The following SLC35D3 variants were observed in gnomAD, a reference collection of about 807,000 sequenced individuals.
SLC35D3 encodes frc, fringe-like 1.
Under a neutral mutation model 20.3 loss-of-function variants are expected in SLC35D3, and 18 were observed. That is an observed-to-expected ratio of 0.89 (90% CI 0.61 to 1.32). The LOEUF (loss-of-function observed/expected upper bound fraction) is 1.32. Among genes scored for constraint, SLC35D3 ranks in the 40% most tolerant of loss-of-function variants. The pLI is 0.00. For missense variants in SLC35D3, 556 were observed against 565.5 expected, an observed-to-expected ratio of 0.98 and a Z score of 0.17; for synonymous variants, 313 against 263.5, an observed-to-expected ratio of 1.19 and a Z score of -1.82.
chr6:136,925,443 C>A lies in SLC35D3; in HGVS notation c.*747C>A, dbSNP rs866689790. 6.6e-6 allele frequency: 1 copy of A among 152,372 alleles called. No individual in the cohort carries two copies. The highest frequency in any genetic ancestry group is 1.5e-5 in the Non-Finnish European group (1 of 68,018). The allele number at this position is 152,372 out of a possible 1,614,324, so 9.4% of individuals were successfully genotyped here. A position where few individuals can be genotyped will look rare whatever the true frequency, so the allele number is the denominator to read the frequency against. ...TTTTTTACTGTGTCCAATATTCTTT[C>A]AAGCAAATGCAATGGCTGGAATATA... On this transcript the variant is annotated 3_prime_UTR_variant, in exon 2 of 2. Coordinates refer to ENST00000331858, the MANE Select transcript of SLC35D3 (RefSeq NM_001008783.3).
In SLC35D3 at chr6:136,922,446, G is replaced by T; in HGVS notation, c.18G>T (p.Arg6=). 1 of 1,589,962 alleles carries T rather than the reference G, an allele frequency of 6.3e-7. No individual in the cohort carries two copies. Residue 6 remains arginine (R), a synonymous_variant, in exon 1 of 2, where the codon CGG becomes CGT. Transcript: ENST00000331858. This position sits in a 1 kb window ranked among gnomAD's most constrained non-coding sequence, Gnocchi z 6.8. MRQLC[R]GRVLGISVAI... Reference sequence around the variant, plus strand: ...CCGGCGCGATGCGGCAGCTGTGCCGGGGCCGCGTGCTGGGCATCTCGGTGG... The same window carrying T: ...CCGGCGCGATGCGGCAGCTGTGCCGTGGCCGCGTGCTGGGCATCTCGGTGG...
At position 136,923,053 on chromosome 6, in the gene SLC35D3, C is replaced by T. The variant is rs1417689332; in HGVS notation, c.439+186C>T. 1.3e-5 allele frequency among the ~76,000 whole-genome samples: 2 copies of T among 152,180 alleles called. No homozygotes were observed. The highest frequency in any genetic ancestry group is 4.8e-5 in the African/African-American group (2 of 41,450). On this transcript the variant is annotated intron_variant, in intron 1 of 1. Transcript: ENST00000331858. The surrounding 1 kb of genome is among the most constrained non-coding windows in gnomAD (Gnocchi z 6.2). The stretch of plus-strand genomic sequence containing the variant: ...GGGACTTCCGAGACCCAGAGAGCTC[C>T]CCAGCGCCCCACCAAGTCCCCCTGC...
At position 136,922,992 on chromosome 6, in the gene SLC35D3, C is replaced by A. The variant is rs1390604833; in HGVS notation, c.439+125C>A. On this transcript the variant is annotated intron_variant, in intron 1 of 1. Coordinates refer to ENST00000331858, the MANE Select transcript of SLC35D3 (RefSeq NM_001008783.3). This position sits in a 1 kb window ranked among gnomAD's most constrained non-coding sequence, Gnocchi z 6.8. ...ATGGGGAGACTGAGGCAGAGAGAGC[C>A]GGAGAGCTTTGAGAGTGGTCGCTCA... 5.4e-6 allele frequency: 6 copies of A among 1,115,682 alleles called. No individual in the cohort carries two copies. The highest frequency in any genetic ancestry group is 7.4e-6 in the Non-Finnish European group (6 of 812,064). 69.1% of individuals were successfully genotyped at this position (1,115,682 alleles called of 1,614,324 possible).
In SLC35D3 at chr6:136,923,916, G is replaced by A. The variant is rs945560792; in HGVS notation, c.471G>A (p.Gly157=). 1 of 1,529,424 alleles carries A rather than the reference G, an allele frequency of 6.5e-7. No homozygotes were observed. Among genetic ancestry groups the A allele is most frequent in the East Asian group, 2.4e-5 (1 of 40,954 alleles). The allele number at this position is 1,529,424 out of a possible 1,614,324, so 94.7% of individuals were successfully genotyped here. A position where few individuals can be genotyped will look rare whatever the true frequency, so the allele number is the denominator to read the frequency against. The part of the protein sequence containing the change: ...GAGDLTGDPI[G]YVTGVLAVLV... ...GCGACCTGACGGGCGACCCCATCGG[G>A]TACGTCACGGGAGTGCTGGCGGTGC... Residue 157 remains glycine (G), a synonymous_variant, in exon 2 of 2, where the codon GGG becomes GGA. Transcript: ENST00000331858. This position sits in a 1 kb window ranked among gnomAD's most constrained non-coding sequence, Gnocchi z 6.2.
In SLC35D3 at chr6:136,922,752, G is replaced by A. The variant is rs1285730276; in HGVS notation, c.324G>A (p.Lys108=). 6.4e-7 allele frequency: 1 copy of A among 1,569,612 alleles called. No individual in the cohort carries two copies. Among genetic ancestry groups the A allele is most frequent in the South Asian group, 1.2e-5 (1 of 85,814 alleles). ...GLSLPMYVVF[K]RCLPLVTMLI... ...GCCTGCCCATGTACGTGGTCTTCAA[G>A]CGCTGCCTGCCCCTGGTCACCATGC... Residue 108 remains lysine, a synonymous_variant, in exon 1 of 2, where the codon AAG becomes AAA. Transcript: ENST00000331858. This position sits in a 1 kb window ranked among gnomAD's most constrained non-coding sequence, Gnocchi z 6.8.
Position 136,922,564 on chromosome 6 carries a change from T to C in SLC35D3, c.136T>C (p.Cys46Arg). ...GTTCTCCTTCCTGACCCTGGTGCAGTGCCTGACCAGCTCCACCGCGGCGCT... is the reference window on the plus strand; with the variant it reads ...GTTCTCCTTCCTGACCCTGGTGCAGCGCCTGACCAGCTCCACCGCGGCGCT... ...YQFSFLTLVQ[C>R]LTSSTAALSL... The change falls in exon 1 of 2, where the codon TGC becomes CGC. Residue 46 changes from cysteine (C) to arginine (R), a missense_variant. Physicochemically the swap from Cys to Arg is radical, Grantham distance 180. Coordinates refer to ENST00000331858, the MANE Select transcript of SLC35D3 (RefSeq NM_001008783.3). The surrounding 1 kb of genome is among the most constrained non-coding windows in gnomAD (Gnocchi z 6.8). 6.2e-7 allele frequency: 1 copy of C among 1,612,562 alleles called. No homozygotes were observed. Among genetic ancestry groups the C allele is most frequent in the Non-Finnish European group, 8.5e-7 (1 of 1,179,728 alleles).
Position 136,922,688 on chromosome 6 carries a change from T to G in SLC35D3, c.260T>G (p.Leu87Arg), listed in dbSNP as rs1262960356. Residue 87 changes from leucine (L) to arginine (R), a missense_variant, in exon 1 of 2, where the codon CTG becomes CGG. Transcript: ENST00000331858. This position sits in a 1 kb window ranked among gnomAD's most constrained non-coding sequence, Gnocchi z 6.8. ...SFAGVAVLST[L>R]QSSLTLWSLR... The stretch of plus-strand genomic sequence containing the variant: ...GCGGGGGTCGCGGTGCTCTCCACGC[T>G]GCAGTCCAGCCTCACGCTCTGGTCC... The G allele has an allele frequency of 1.2e-6, 2 of 1,602,068 alleles. No individual in the cohort carries two copies. Among genetic ancestry groups the G allele is most frequent in the Admixed American group, 3.4e-5 (2 of 58,946 alleles).
Position 136,924,517 on chromosome 6 carries a change from G to C in SLC35D3, c.1072G>C (p.Glu358Gln), listed in dbSNP as rs1301268097. Residue 358 changes from glutamate to glutamine, a missense_variant, in exon 2 of 2, where the codon GAG becomes CAG. By Grantham distance (29) the Glu-to-Gln change is conservative (BLOSUM62 2). Transcript: ENST00000331858. Reference protein sequence around the residue: ...GGEAAGGPAQESRQEVRGSPR... With the variant: ...GGEAAGGPAQQSRQEVRGSPR... ...GGAGGCAGCAGGTGGCCCCGCTCAGGAGAGCAGGCAAGAGGTCAGGGGCAG... is the reference window on the plus strand; with the variant it reads ...GGAGGCAGCAGGTGGCCCCGCTCAGCAGAGCAGGCAAGAGGTCAGGGGCAG... 3.7e-6 allele frequency: 6 copies of C among 1,613,356 alleles called. No individual in the cohort carries two copies. The highest frequency in any genetic ancestry group is 4.2e-6 in the Non-Finnish European group (5 of 1,179,910).
Position 136,924,939 on chromosome 6 carries a change from G to A in SLC35D3, c.*243G>A, listed in dbSNP as rs943936940. On this transcript the variant is annotated 3_prime_UTR_variant, in exon 2 of 2. Transcript: ENST00000331858. ...AAGCTACTTAACAAAGTAAGGCAAC[G>A]TTTCTGCTTCAGACTCCTGGCACAT... 5 of 412,314 alleles carry A rather than the reference G, an allele frequency of 1.2e-5. No individual in the cohort carries two copies. The highest frequency in any genetic ancestry group is 4.1e-5 in the Admixed American group (1 of 24,190). The allele number at this position is 412,314 out of a possible 1,614,324, so 25.5% of individuals were successfully genotyped here. A position where few individuals can be genotyped will look rare whatever the true frequency, so the allele number is the denominator to read the frequency against.
rs917120302 is a variant in SLC35D3, at chr6:136,922,391, G to C, written c.-38G>C. 5.7e-5 allele frequency: 81 copies of C among 1,419,256 alleles called. No homozygotes were observed. Among genetic ancestry groups the C allele is most frequent in the Non-Finnish European group, 6.9e-5 (75 of 1,093,988 alleles). 87.9% of individuals were successfully genotyped at this position (1,419,256 alleles called of 1,614,324 possible). A position where few individuals can be genotyped will look rare whatever the true frequency, so the allele number is the denominator to read the frequency against. ...TCCCGGCTCCTCGCGCGCAGGTCGCGGAGCTCCGCCACCGCTGGGTGCGGC... is the reference window on the plus strand; with the variant it reads ...TCCCGGCTCCTCGCGCGCAGGTCGCCGAGCTCCGCCACCGCTGGGTGCGGC... On this transcript the variant is annotated 5_prime_UTR_variant, in exon 1 of 2. Coordinates refer to ENST00000331858, the MANE Select transcript of SLC35D3 (RefSeq NM_001008783.3). This position sits in a 1 kb window ranked among gnomAD's most constrained non-coding sequence, Gnocchi z 6.8.
In SLC35D3 at chr6:136,923,102, C is replaced by A. The variant is rs188496132; in HGVS notation, c.439+235C>A. Among the ~76,000 whole-genome samples, 357 of 152,304 alleles carry A rather than the reference C, an allele frequency of 2.3e-3. 3 individuals are homozygous for A. The highest frequency in any genetic ancestry group is 7.8e-3 in the African/African-American group (326 of 41,568). ...GCCCCCTAATGTCCTGGCTTCCGAC[C>A]CTCGCCCATGCTTCACCCGGCATCG... On this transcript the variant is annotated intron_variant, in intron 1 of 1. Transcript: ENST00000331858. This position sits in a 1 kb window ranked among gnomAD's most constrained non-coding sequence, Gnocchi z 6.2.
At position 136,923,904 on chromosome 6, in the gene SLC35D3, C is replaced by T. The variant is rs773632681; in HGVS notation, c.459C>T (p.Gly153=). ...CCGCAGGAGCCGGCGACCTGACGGG[C>T]GACCCCATCGGGTACGTCACGGGAG... ...AALAGAGDLT[G]DPIGYVTGVL... The change falls in exon 2 of 2, where the codon GGC becomes GGT. Residue 153 remains glycine, a synonymous_variant. Transcript: ENST00000331858. The surrounding 1 kb of genome is among the most constrained non-coding windows in gnomAD (Gnocchi z 6.2). 16 of 1,517,866 alleles carry T rather than the reference C, an allele frequency of 1.1e-5. No homozygotes were observed. Among genetic ancestry groups the T allele is most frequent in the East Asian group, 2.5e-5 (1 of 40,568 alleles). 94.0% of individuals were successfully genotyped at this position (1,517,866 alleles called of 1,614,324 possible).
At position 136,924,429 on chromosome 6, in the gene SLC35D3, C is replaced by A. The variant is rs116512494; in HGVS notation, c.984C>A (p.Asp328Glu). Residue 328 changes from aspartate (D) to glutamate (E), a missense_variant, in exon 2 of 2, where the codon GAC becomes GAA. Asp to Glu is a conservative substitution (Grantham distance 45). Transcript: ENST00000331858. ...GAGAGGAGGCGCAGCTAAGTGGAGA[C>A]CAGCTGCCGTTCGTGATGGAGGAGC... Reference protein sequence around the residue: ...PRGEEAQLSGDQLPFVMEELP... With the variant: ...PRGEEAQLSGEQLPFVMEELP... 2,361 of 1,613,876 alleles carry A rather than the reference C, an allele frequency of 1.5e-3. 37 individuals are homozygous for A. The African/African-American group carries it at 0.028, about 19-fold the overall frequency.
Position 136,922,808 on chromosome 6 carries a change from C to T in SLC35D3, c.380C>T (p.Ala127Val). ...LIGVLVLKNGAPSPGVLAAVL... is the reference protein window; with the variant it reads ...LIGVLVLKNGVPSPGVLAAVL... The stretch of plus-strand genomic sequence containing the variant: ...GGCGTCCTGGTGCTCAAGAACGGCG[C>T]GCCCTCGCCAGGGGTGCTGGCGGCG... The change falls in exon 1 of 2, where the codon GCG becomes GTG. Residue 127 changes from alanine to valine, a missense_variant. By Grantham distance (64) the Ala-to-Val change is moderately conservative. Coordinates refer to ENST00000331858, the MANE Select transcript of SLC35D3 (RefSeq NM_001008783.3). The surrounding 1 kb of genome is among the most constrained non-coding windows in gnomAD (Gnocchi z 6.8). 2 of 1,560,992 alleles carry T rather than the reference C, an allele frequency of 1.3e-6. No homozygotes were observed. The highest frequency in any genetic ancestry group is 8.7e-7 in the Non-Finnish European group (1 of 1,153,748).
rs1255651950 is a variant in SLC35D3, at chr6:136,924,002, C to A, written c.557C>A (p.Pro186Gln). The part of the protein sequence containing the change: ...QKASADTEHG[P>Q]LTAQYVIAVS... ...GCCAGCGCAGACACCGAGCACGGGC[C>A]GCTCACCGCGCAGTACGTCATCGCC... Residue 186 changes from proline to glutamine, a missense_variant, in exon 2 of 2, where the codon CCG becomes CAG. By Grantham distance (76) the Pro-to-Gln change is moderately conservative. Coordinates refer to ENST00000331858, the MANE Select transcript of SLC35D3 (RefSeq NM_001008783.3). The A allele has an allele frequency of 6.3e-7, 1 of 1,594,906 alleles. No homozygotes were observed.
chr6:136,923,544 G>C lies in SLC35D3; in HGVS notation c.440-341G>C, dbSNP rs556601364. 9.2e-5 allele frequency among the ~76,000 whole-genome samples: 14 copies of C among 152,300 alleles called. No homozygotes were observed. The highest frequency in any genetic ancestry group is 5.9e-4 in the Admixed American group (9 of 15,304). On this transcript the variant is annotated intron_variant, in intron 1 of 1. Coordinates refer to ENST00000331858, the MANE Select transcript of SLC35D3 (RefSeq NM_001008783.3). The surrounding 1 kb of genome is among the most constrained non-coding windows in gnomAD (Gnocchi z 6.2). ...GGGCTCCGGGGTGCAGGTACCACGC[G>C]CCCAAGTGACCTCGGTGCCAGCTCG... is the stretch of plus-strand genomic sequence containing the variant.
In SLC35D3 at chr6:136,924,757, G is replaced by A; in HGVS notation, c.*61G>A. On this transcript the variant is annotated 3_prime_UTR_variant, in exon 2 of 2. Transcript: ENST00000331858. Reference sequence around the variant, plus strand: ...TTATTTTATATGTTAGAAATGACGTGTTTTAATGAGAGGCCTCCCCGTTTT... The same window carrying A: ...TTATTTTATATGTTAGAAATGACGTATTTTAATGAGAGGCCTCCCCGTTTT... 6.9e-7 allele frequency: 1 copy of A among 1,452,300 alleles called. No individual in the cohort carries two copies. The allele number at this position is 1,452,300 out of a possible 1,614,324, so 90.0% of individuals were successfully genotyped here. A position where few individuals can be genotyped will look rare whatever the true frequency, so the allele number is the denominator to read the frequency against.
Position 136,924,889 on chromosome 6 carries a change from G to A in SLC35D3, c.*193G>A, listed in dbSNP as rs1257444706. The A allele has an allele frequency of 2.4e-5, 13 of 535,912 alleles. No homozygotes were observed. The highest frequency in any genetic ancestry group is 3.5e-5 in the South Asian group (1 of 28,486). The allele number at this position is 535,912 out of a possible 1,614,324, so 33.2% of individuals were successfully genotyped here. On this transcript the variant is annotated 3_prime_UTR_variant, in exon 2 of 2. Coordinates refer to ENST00000331858, the MANE Select transcript of SLC35D3 (RefSeq NM_001008783.3). ...AATTATTTAGTGTGACTTCACCTGA[G>A]GCATCACAGAGACAAAAGAATGTGA...
At position 136,924,679 on chromosome 6, in the gene SLC35D3, G is replaced by T. The variant is rs746987224; in HGVS notation, c.1234G>T (p.Glu412Ter). 6.2e-7 allele frequency: 1 copy of T among 1,611,036 alleles called. No homozygotes were observed. The highest frequency in any genetic ancestry group is 1.7e-5 in the Admixed American group (1 of 59,968). The change falls in exon 2 of 2, where the codon GAG (glutamate) becomes TAG (stop). Residue 412 changes from glutamate to a stop codon, truncating the protein, a stop_gained. Transcript: ENST00000331858. LOFTEE classifies it high-confidence loss of function. ...GAAGGATTATTTGATAGAAAACGAG[G>T]AGTTACCCAGTCCTTGAGAAGGAGG... ...MKKDYLIENE[E>*]LPSP
Sources: allele counts gnomAD v4.1 joint callset (sites outside exome capture counted in the v4.1 genomes callset), GRCh38; gene constraint gnomAD v4.1.1; non-coding constraint Gnocchi (gnomAD v3.1); transcripts MANE v1.5; gene names NCBI Gene and HGNC (gene_info 2026-07-23, HGNC 2026-07-21).